LINGO2: variants seen among roughly 807,000 people sequenced by gnomAD.
The protein encoded by LINGO2 is leucine-rich repeat and immunoglobulin-like domain-containing nogo receptor-interacting protein 2.
Under a neutral mutation model 30.6 loss-of-function variants are expected in LINGO2, and 14 were observed. The ratio of observed to expected loss-of-function variants is 0.46; its 90% confidence interval spans 0.30 to 0.72. LINGO2 has a LOEUF of 0.72. LINGO2 is among the 30% of genes least tolerant of loss of function. The pLI, the probability that LINGO2 is intolerant of heterozygous loss-of-function variation, is 0.07. For missense variants in LINGO2, 729 were observed against 751.7 expected (o/e 0.97, Z 0.35); for synonymous variants, 317 against 288.5 (o/e 1.10, Z -1.00).
intron 4 of LINGO2, among the ~76,000 whole-genome samples, chr9:28,175,843 A>T (rs114465736): frequency 2.6e-5 from 4 of 152,176 alleles, no homozygotes; most frequent in Admixed American, 6.5e-5. Context: ...TATCAACTGT[A>T]TGAGCTCCAA....
chr9:28,387,364 A>G (rs1294191728), intron 2 of LINGO2, among the ~76,000 whole-genome samples: 4 of 152,234 alleles, frequency 2.6e-5, no homozygotes. Context: ...AAACGCACCA[A>G]TCAGCACTCT....
At chr9:28,510,893 T>C (rs1820356580) in intron 1 of LINGO2, among the ~76,000 whole-genome samples, 2 of 152,064 alleles carry the variant, frequency 1.3e-5, no homozygotes, top group Non-Finnish European at 2.9e-5. Flanking sequence ...GTCCCAAAAC[T>C]GAAGAACTTG....
chr9:28,760,376 T>C, the LINGO2 span, among the ~76,000 whole-genome samples: 1 of 152,064 alleles, frequency 6.6e-6, no homozygotes, highest in South Asian at 2.1e-4. Context: ...ATATCAGCCA[T>C]CACTAAGGGT....
chr9:28,264,791 A>G (rs1822687792), intron 4 of LINGO2, among the ~76,000 whole-genome samples: 1 of 151,978 alleles, frequency 6.6e-6, no homozygotes, highest in South Asian at 2.1e-4. Context: ...TAGGCTAGTT[A>G]TTACTTAAAC....
At chr9:29,187,753 T>C in the LINGO2 span, among the ~76,000 whole-genome samples, 35 of 151,360 alleles carry the variant, frequency 2.3e-4, 1 homozygote, top group South Asian at 6.9e-3. Flanking sequence ...TGTAATGTCA[T>C]CTGAAAATGG....
intron 1 of LINGO2, among the ~76,000 whole-genome samples, chr9:28,559,630 C>A (rs112796552): frequency 3.7e-4 from 57 of 152,160 alleles, no homozygotes; most frequent in African/African-American, 1.3e-3. Flanking sequence ...TTCTTTCAAC[C>A]CATGTAACTT....
intron 3 of LINGO2, among the ~76,000 whole-genome samples, chr9:28,309,879 A>G (rs187639953): frequency 6.6e-6 from 1 of 152,244 alleles, no homozygotes; most frequent in East Asian, 1.9e-4. Context: ...CAAAGAGGCT[A>G]CATGGATGGC....
intron 3 of LINGO2, among the ~76,000 whole-genome samples, chr9:28,365,430 G>A (rs1820625823): frequency 6.6e-6 from 1 of 152,100 alleles, no homozygotes; most frequent in Non-Finnish European, 1.5e-5. Flanking sequence ...CTGCAGAGGC[G>A]ACCCTATTTT....
At chr9:28,021,105 T>C (rs1479202064) in intron 4 of LINGO2, among the ~76,000 whole-genome samples, 2 of 152,144 alleles carry the variant, frequency 1.3e-5, no homozygotes, top group African/African-American at 4.8e-5. Flanking sequence ...TCTTTTTTAA[T>C]TTCCTATGGT....
intron 4 of LINGO2, among the ~76,000 whole-genome samples, chr9:28,026,405 G>C (rs1823377785): frequency 6.6e-6 from 1 of 152,198 alleles, no homozygotes; most frequent in Non-Finnish European, 1.5e-5. Flanking sequence ...TGGATGGCTT[G>C]ATAAGGCACA....
the LINGO2 span, among the ~76,000 whole-genome samples, chr9:28,693,110 C>T: frequency 1.3e-5 from 2 of 151,946 alleles, no homozygotes; most frequent in Admixed American, 6.6e-5. Context: ...CTCTACTAAC[C>T]TCCCGGGCAC....
At position 28,613,379 on chromosome 9, in the gene LINGO2, C is replaced by T. The variant is rs1419488704; in HGVS notation, c.-365+56821G>A. On this transcript the variant is annotated intron_variant, in intron 1 of 5. Transcript: ENST00000379992. ...ACAAATAGTAGAATATGTGTATATA[C>T]GTATGTGTGTGTGTGTGTATATAGC... 5.3e-5 allele frequency among the ~76,000 whole-genome samples: 8 copies of T among 151,502 alleles called. No individual in the cohort carries two copies. In the South Asian group the frequency reaches 8.4e-4, roughly 16 times the overall value.
chr9:27,949,914 G>A (rs746507106), exon 6 of LINGO2: 1 of 1,614,114 alleles, frequency 6.2e-7, no homozygotes, highest in Non-Finnish European at 8.5e-7. Flanking sequence ...GACTGAAAGG[G>A]ATGTGAGGTT....
chr9:28,568,414 C>G (rs890821757), intron 1 of LINGO2, among the ~76,000 whole-genome samples: 1 of 151,928 alleles, frequency 6.6e-6, no homozygotes, highest in Non-Finnish European at 1.5e-5. Context: ...ACCTGTACAA[C>G]AAACCCCATG....
chr9:29,161,089 G>A, the LINGO2 span, among the ~76,000 whole-genome samples: 3 of 152,236 alleles, frequency 2.0e-5, no homozygotes, highest in Non-Finnish European at 4.4e-5. Flanking sequence ...TCACACTCAT[G>A]CCCAGAGGGA....
the LINGO2 span, among the ~76,000 whole-genome samples, chr9:28,780,780 A>C: frequency 1.3e-5 from 2 of 151,838 alleles, no homozygotes; most frequent in African/African-American, 4.8e-5. Context: ...AACATAGTCA[A>C]GAGCGCCTTA....
chr9:28,717,819 A>G, the LINGO2 span, among the ~76,000 whole-genome samples: 1 of 151,972 alleles, frequency 6.6e-6, no homozygotes, highest in Non-Finnish European at 1.5e-5. Context: ...CTCGTTCCCA[A>G]CTACTGTCAC....
intron 4 of LINGO2, among the ~76,000 whole-genome samples, chr9:28,232,170 G>A (rs1396739921): frequency 6.6e-6 from 1 of 151,910 alleles, no homozygotes; most frequent in Non-Finnish European, 1.5e-5. Flanking sequence ...AGGCCAAGGC[G>A]GGCAGATCAC....
At chr9:28,660,947 A>G (rs1828559648) in intron 1 of LINGO2, among the ~76,000 whole-genome samples, 1 of 152,118 alleles carries the variant, frequency 6.6e-6, no homozygotes, top group Non-Finnish European at 1.5e-5. Context: ...TGCAAAAACT[A>G]AACCTGGGGC....
Sources: allele counts gnomAD v4.1 joint callset (sites outside exome capture counted in the v4.1 genomes callset), GRCh38; gene constraint gnomAD v4.1.1; transcripts MANE v1.5; gene names NCBI Gene and HGNC (gene_info 2026-07-23, HGNC 2026-07-21).